NAPB: variants seen among roughly 807,000 people sequenced by gnomAD.
NAPB encodes NSF attachment protein beta.
In NAPB, 26 loss-of-function variants were observed where a neutral mutation model predicts 44.7. The ratio of observed to expected loss-of-function variants is 0.58; its 90% CI spans 0.43 to 0.81. The LOEUF (loss-of-function observed/expected upper bound fraction) is 0.81, where lower values mean the gene tolerates loss of function less well. Ranked by LOEUF, NAPB falls within the 30% of genes least tolerant of loss-of-function variation. The pLI is 0.00. For missense variants in NAPB, 315 were observed against 356.4 expected (o/e 0.88, Z 0.94); for synonymous variants, 120 against 116.8 (o/e 1.03, Z -0.18).
chr20:23,381,162 T>C, intron 8 of NAPB, 51 bp downstream of exon 8: 1 of 1,185,104 alleles, frequency 8.4e-7, no homozygotes, highest in Non-Finnish European at 1.3e-6. Flanking sequence ...AGAGAATGTG[T>C]ACGTATTCTT....
chr20:23,416,076 T>C (rs1472616133), intron 1 of NAPB, among the ~76,000 whole-genome samples: 1 of 152,190 alleles, frequency 6.6e-6, no homozygotes, highest in Non-Finnish European at 1.5e-5. Flanking sequence ...ACATCAGCAT[T>C]TGTATTAGCA....
intron 5 of NAPB, among the ~76,000 whole-genome samples, chr20:23,391,157 C>G (rs1030646149): frequency 2.0e-5 from 3 of 152,048 alleles, no homozygotes; most frequent in Admixed American, 1.3e-4. Flanking sequence ...TAAAAAGATA[C>G]AAAAATTAGC....
rs1288256012 is a variant in NAPB at position 23,377,182 on chromosome 20, TACC to T, written c.*191_*193del. The T allele has an allele frequency of 1.1e-5, 4 of 367,046 alleles. No homozygotes were observed. Among genetic ancestry groups the T allele is most frequent in the Non-Finnish European group, 1.5e-5 (3 of 203,774 alleles). The allele number at this position is 367,046 out of a possible 1,614,324, so 22.7% of individuals were successfully genotyped here. ...TGATAAGCATGAAACAACCCATCAT[TACC>T]ACAAGATGAACAGGAGCCTCTCCTT... On this transcript the variant is annotated 3_prime_UTR_variant, in exon 11 of 11. Transcript: ENST00000377026.
chr20:23,402,320 G>A (rs1265930708), intron 2 of NAPB, among the ~76,000 whole-genome samples: 1 of 152,100 alleles, frequency 6.6e-6, no homozygotes, highest in African/African-American at 2.4e-5. Context: ...CCATCACTAA[G>A]GCATGAAAGA....
chr20:23,397,101 C>T lies in NAPB; in HGVS notation c.266G>A (p.Gly89Glu). The T allele has an allele frequency of 6.2e-7, 1 of 1,613,548 alleles. No homozygotes were observed. Among genetic ancestry groups the T allele is most frequent in the Admixed American group, 1.7e-5 (1 of 60,022 alleles). The change falls in exon 3 of 11, where the codon GGA (glycine) becomes GAA (glutamate). Residue 89 changes from glycine to glutamate, a missense_variant. Transcript: ENST00000377026. ...HDSATSFVDAGNAYKKADPQE... is the reference protein window; with the variant it reads ...HDSATSFVDAENAYKKADPQE... ...GGGATCTGCCTTTTTGTAAGCATTTCCAGCATCCACAAAGCTGGTAGCAGA... is the reference window on the plus strand; with the variant it reads ...GGGATCTGCCTTTTTGTAAGCATTTTCAGCATCCACAAAGCTGGTAGCAGA...
chr20:23,385,724 AG>A (rs1403460153), intron 7 of NAPB, among the ~76,000 whole-genome samples: 4 of 145,538 alleles, frequency 2.7e-5, no homozygotes, highest in African/African-American at 8.4e-5. Context: ...AAGAAGAGAA[AG>A]AAGAGAAAGA....
chr20:23,396,199 G>A (rs1984350068), intron 3 of NAPB, among the ~76,000 whole-genome samples: 1 of 152,124 alleles, frequency 6.6e-6, no homozygotes, highest in Admixed American at 6.5e-5. Flanking sequence ...CATTTACCAG[G>A]TCACTGAAGA....
At chr20:23,395,917 G>A (rs1201601815) in intron 3 of NAPB, among the ~76,000 whole-genome samples, 1 of 152,104 alleles carries the variant, frequency 6.6e-6, no homozygotes, top group Non-Finnish European at 1.5e-5. Flanking sequence ...AGAAAGGCCT[G>A]ACTACAAAAT....
intron 1 of NAPB, among the ~76,000 whole-genome samples, chr20:23,419,438 A>C (rs1986237386): frequency 6.6e-6 from 1 of 152,238 alleles, no homozygotes. Flanking sequence ...AGTTTCCTAA[A>C]AACATCGAAA....
intron 7 of NAPB, among the ~76,000 whole-genome samples, chr20:23,385,448 AC>A (rs754181615): frequency 3.3e-5 from 5 of 152,170 alleles, no homozygotes; most frequent in Non-Finnish European, 5.9e-5. Context: ...CCAACTCTCA[AC>A]AATGGATAGA....
chr20:23,384,186 A>G (rs1983276490), intron 7 of NAPB, among the ~76,000 whole-genome samples: 1 of 152,218 alleles, frequency 6.6e-6, no homozygotes, highest in Non-Finnish European at 1.5e-5. Context: ...GGACTTGACT[A>G]TGCACAGATT....
chr20:23,379,331 G>A (rs1339731080), intron 10 of NAPB, 114 bp downstream of exon 10: 5 of 741,694 alleles, frequency 6.7e-6, no homozygotes, highest in Non-Finnish European at 8.7e-6. Context: ...ACAACTTAAG[G>A]TATGCTGGAG....
chr20:23,412,384 CAG>C (rs1167788597), intron 1 of NAPB, among the ~76,000 whole-genome samples: 1 of 152,088 alleles, frequency 6.6e-6, no homozygotes, highest in Non-Finnish European at 1.5e-5. Context: ...AGTAAGAAAA[CAG>C]AGATTGCTAC....
At chr20:23,393,559 A>T (rs1273589691) in intron 5 of NAPB, among the ~76,000 whole-genome samples, 1 of 152,176 alleles carries the variant, frequency 6.6e-6, no homozygotes, top group Non-Finnish European at 1.5e-5. Context: ...CTCTTGGGAC[A>T]CATCAGCAAA....
chr20:23,403,139 G>T (rs1984973561), intron 1 of NAPB, 67 bp from the exon 2 acceptor site: 3 of 1,151,170 alleles, frequency 2.6e-6, no homozygotes, highest in Non-Finnish European at 3.8e-6. Flanking sequence ...TCCCTCAAAT[G>T]ATTAACATTT....
At chr20:23,409,156 T>A in intron 1 of NAPB, among the ~76,000 whole-genome samples, 1 of 152,132 alleles carries the variant, frequency 6.6e-6, no homozygotes, top group Non-Finnish European at 1.5e-5. Context: ...GAAAGAAAAA[T>A]TCCACCAAGC....
chr20:23,389,726 G>A (rs1983811926), intron 7 of NAPB, among the ~76,000 whole-genome samples: 1 of 152,196 alleles, frequency 6.6e-6, no homozygotes. Flanking sequence ...CAGGGACTAG[G>A]AGGAAAGAAT....
At chr20:23,410,847 T>C (rs1680120246) in intron 1 of NAPB, among the ~76,000 whole-genome samples, 1 of 152,060 alleles carries the variant, frequency 6.6e-6, no homozygotes, top group South Asian at 2.1e-4. Flanking sequence ...GATATGAAAG[T>C]ACATCATAAG....
intron 1 of NAPB, among the ~76,000 whole-genome samples, chr20:23,414,879 T>C (rs1022287888): frequency 1.3e-5 from 2 of 152,310 alleles, no homozygotes; most frequent in African/African-American, 4.8e-5. Context: ...CTCAAAAATA[T>C]CACAATTTGG....
Sources: allele counts gnomAD v4.1 joint callset (sites outside exome capture counted in the v4.1 genomes callset), GRCh38; gene constraint gnomAD v4.1.1; transcripts MANE v1.5; gene names NCBI Gene and HGNC (gene_info 2026-07-23, HGNC 2026-07-21).